DOCK2: variants seen among roughly 807,000 people sequenced by gnomAD.
The protein encoded by DOCK2 is dedicator of cytokinesis protein 2.
Under a neutral mutation model 248.9 loss-of-function variants are expected in DOCK2, and 87 were observed. The ratio of observed to expected loss-of-function variants is 0.35; its 90% CI spans 0.29 to 0.42. The LOEUF is 0.42. DOCK2 is among the 10% of genes least tolerant of loss of function. The probability of loss-of-function intolerance (pLI) is 1.00; values close to 1 mark genes in which losing one functional copy is unlikely to be tolerated. For synonymous variants in DOCK2, 805 were observed against 821.6 expected (o/e 0.98, Z 0.35); for missense variants, 1,747 against 2,300.2 (o/e 0.76, Z 4.92).
intron 8 of DOCK2, among the ~76,000 whole-genome samples, chr5:169,684,723 C>T (rs574910369): frequency 3.0e-4 from 45 of 152,304 alleles, no homozygotes; most frequent in South Asian, 1.0e-3. Flanking sequence ...AATCACGGCT[C>T]GCTGTAGACT....
chr5:169,841,568 A>C, intron 27 of DOCK2: 1 of 573,960 alleles, frequency 1.7e-6, no homozygotes, highest in Non-Finnish European at 2.2e-6. Context: ...TAAAATCCAA[A>C]CATTGCCAGG....
intron 25 of DOCK2, among the ~76,000 whole-genome samples, chr5:169,800,916 T>G (rs1330008381): frequency 2.0e-5 from 3 of 149,470 alleles, no homozygotes; most frequent in Non-Finnish European, 4.4e-5. Context: ...TATTTCTTTT[T>G]TCTTTTTCTT....
chr5:169,855,274 G>A (rs572713515), intron 27 of DOCK2, among the ~76,000 whole-genome samples: 4 of 152,242 alleles, frequency 2.6e-5, no homozygotes, highest in South Asian at 2.1e-4. Context: ...GTAATAATGC[G>A]ACTCTCCTTT....
chr5:169,725,913 C>T (rs1762447935), intron 22 of DOCK2, among the ~76,000 whole-genome samples: 1 of 152,154 alleles, frequency 6.6e-6, no homozygotes, highest in Non-Finnish European at 1.5e-5. Context: ...CATTGATGGA[C>T]ATTTGGGTTG....
At chr5:170,082,663 T>C in intron 51 of DOCK2, 133 bp from the exon 52 acceptor site, 1 of 1,143,846 alleles carries the variant, frequency 8.7e-7, no homozygotes, top group Non-Finnish European at 1.3e-6. Context: ...GCCAAGGGCA[T>C]AGCAGCTCAC....
intron 29 of DOCK2, among the ~76,000 whole-genome samples, chr5:169,987,010 T>C (rs1054439691): frequency 6.6e-6 from 1 of 152,146 alleles, no homozygotes; most frequent in Non-Finnish European, 1.5e-5. Flanking sequence ...AAAGAGAATG[T>C]ATTGGCACAG....
rs1470832280 is a variant in DOCK2, at chr5:169,716,948, T to A, written c.2032-436T>A. ...TAAAGAGGTTACTGAGAGACAACTG[T>A]GGCTTAATCAAGTGCTTCCCCAGAG... On this transcript the variant is annotated intron_variant, in intron 20 of 51. Coordinates refer to ENST00000520908, the MANE Select transcript of DOCK2 (RefSeq NM_004946.3). 2.0e-5 allele frequency among the ~76,000 whole-genome samples: 3 copies of A among 152,314 alleles called. No individual in the cohort carries two copies. In the East Asian group the frequency reaches 5.8e-4, roughly 29 times the overall value.
chr5:170,080,589 T>C, intron 50 of DOCK2: 1 of 351,494 alleles, frequency 2.8e-6, no homozygotes, highest in Non-Finnish European at 5.3e-6. Flanking sequence ...TAGCCAGGCC[T>C]CCCCAGGGGC....
intron 26 of DOCK2, among the ~76,000 whole-genome samples, chr5:169,826,931 G>A (rs1393818159): frequency 6.7e-6 from 1 of 148,808 alleles, no homozygotes; most frequent in Non-Finnish European, 1.5e-5. Flanking sequence ...CTAGTCCTAT[G>A]CTGCTAATAC....
intron 2 of DOCK2, among the ~76,000 whole-genome samples, chr5:169,662,521 G>A (rs1758501574): frequency 6.6e-6 from 1 of 152,170 alleles, no homozygotes; most frequent in Non-Finnish European, 1.5e-5. Context: ...AGAACTACCT[G>A]AGACTGGGTA....
At chr5:170,043,504 T>G (rs917604401) in intron 38 of DOCK2, among the ~76,000 whole-genome samples, 1 of 152,182 alleles carries the variant, frequency 6.6e-6, no homozygotes, top group Non-Finnish European at 1.5e-5. Context: ...CAGGACATAA[T>G]TTAGCACTCA....
Position 170,047,553 on chromosome 5 carries a change from G to C in DOCK2, c.4010G>C (p.Arg1337Thr). The change falls in exon 40 of 52, where the codon AGG (arginine) becomes ACG (threonine). Residue 1337 changes from arginine (R) to threonine (T), a missense_variant. Physicochemically the swap from Arg to Thr is moderately conservative, Grantham distance 71 (BLOSUM62 -1). Coordinates refer to ENST00000520908, the MANE Select transcript of DOCK2 (RefSeq NM_004946.3). ...TATGAAAGCATCATGAAAATCCTCA[G>C]GCCCAAACCAGACTACTTTGCTGTT... Reference protein sequence around the residue: ...KFYESIMKILRPKPDYFAVGY... With the variant: ...KFYESIMKILTPKPDYFAVGY... The C allele has an allele frequency of 6.2e-7, 1 of 1,613,748 alleles. No homozygotes were observed. The highest frequency in any genetic ancestry group is 8.5e-7 in the Non-Finnish European group (1 of 1,179,840).
chr5:170,000,008 G>A (rs933584653), intron 30 of DOCK2: 2 of 152,170 alleles, frequency 1.3e-5, no homozygotes, highest in African/African-American at 2.4e-5. Context: ...TTCTGGTTGC[G>A]GCTAAGATCA....
intron 26 of DOCK2, among the ~76,000 whole-genome samples, chr5:169,834,900 T>A (rs1343514206): frequency 1.3e-5 from 2 of 152,192 alleles, no homozygotes; most frequent in East Asian, 3.8e-4. Flanking sequence ...ACAGACTCTG[T>A]GAGGCAAAGC....
At chr5:170,027,244 G>A (rs1755951661) in intron 33 of DOCK2, among the ~76,000 whole-genome samples, 1 of 152,092 alleles carries the variant, frequency 6.6e-6, no homozygotes, top group African/African-American at 2.4e-5. Flanking sequence ...TGGGACCTGG[G>A]CAATGAAATA....
chr5:169,990,870 G>A (rs1778189014), intron 29 of DOCK2, among the ~76,000 whole-genome samples: 1 of 152,170 alleles, frequency 6.6e-6, no homozygotes, highest in Non-Finnish European at 1.5e-5. Context: ...TCCACGCTGT[G>A]TTGTCACATG....
chr5:169,776,911 C>T lies in DOCK2; in HGVS notation c.2554+15286C>T, dbSNP rs56896623. On this transcript the variant is annotated intron_variant, in intron 25 of 51. Transcript: ENST00000520908. ...TTAAATCTCTTTCCTTTATAAATTA[C>T]CCAGTCTCAGGTATTTCTTTATAGC... 5.5e-3 allele frequency among the ~76,000 whole-genome samples: 839 copies of T among 152,286 alleles called. 9 individuals carry two copies. Among genetic ancestry groups the T allele is most frequent in the African/African-American group, 0.019 (794 of 41,566 alleles).
At chr5:169,820,182 G>C (rs570306192) in intron 26 of DOCK2, among the ~76,000 whole-genome samples, 61 of 152,360 alleles carry the variant, frequency 4.0e-4, no homozygotes, top group Admixed American at 1.9e-3. Flanking sequence ...TCTGTAGACT[G>C]CACCTCTGGG....
chr5:169,921,148 G>A (rs934460475), intron 27 of DOCK2, among the ~76,000 whole-genome samples: 2 of 152,202 alleles, frequency 1.3e-5, no homozygotes, highest in African/African-American at 2.4e-5. Flanking sequence ...TGAATGCAAT[G>A]TTAGCCTGGA....
Sources: gnomAD v4.1 joint callset for allele counts (sites outside exome capture counted in the v4.1 genomes callset) on GRCh38, gnomAD v4.1.1 for gene constraint, MANE v1.5 for transcripts, NCBI Gene and HGNC (gene_info 2026-07-23, HGNC 2026-07-21) for gene names.